The following PLS1 variants were observed in gnomAD, a reference collection of about 807,000 sequenced individuals.
The protein encoded by PLS1 is plastin 1, also known as plastin-1.
PLS1 carries 32 observed loss-of-function variants against 73.7 expected under a neutral mutation model. The observed-to-expected ratio is 0.43, with a 90% CI of 0.33 to 0.58. The LOEUF (loss-of-function observed/expected upper bound fraction) is 0.58, where lower values mean the gene tolerates loss of function less well. Ranked by LOEUF, PLS1 falls within the 20% of genes least tolerant of loss-of-function variation. The pLI, the probability that PLS1 is intolerant of heterozygous loss-of-function variation, is 0.04. For missense variants in PLS1, 633 were observed against 740.5 expected (o/e 0.85, Z 1.68); for synonymous variants, 217 against 261.3 (o/e 0.83, Z 1.63).
chr3:142,662,867 G>T (rs2037400907), intron 1 of PLS1, among the ~76,000 whole-genome samples: 2 of 152,160 alleles, frequency 1.3e-5, no homozygotes, highest in South Asian at 2.1e-4. Flanking sequence ...AATATTGTAT[G>T]GTCACATTGT....
chr3:142,616,755 G>A (rs753932579), intron 1 of PLS1, among the ~76,000 whole-genome samples: 1 of 152,098 alleles, frequency 6.6e-6, no homozygotes, highest in African/African-American at 2.4e-5. Context: ...GGCACCCGCC[G>A]TCATGCCTGG....
At chr3:142,680,210 T>G (rs990549773) in intron 6 of PLS1, among the ~76,000 whole-genome samples, 5 of 152,212 alleles carry the variant, frequency 3.3e-5, no homozygotes, top group Non-Finnish European at 7.3e-5. Context: ...GCTATAAGCA[T>G]GTACCACTAT....
intron 10 of PLS1, among the ~76,000 whole-genome samples, chr3:142,693,848 T>C (rs1344700033): frequency 6.6e-6 from 1 of 152,116 alleles, no homozygotes; most frequent in Admixed American, 6.6e-5. Flanking sequence ...TCAACCTGTA[T>C]TGGGTCTGTG....
intron 4 of PLS1, among the ~76,000 whole-genome samples, chr3:142,675,444 G>A (rs574210474): frequency 3.8e-4 from 58 of 151,748 alleles, no homozygotes; most frequent in Non-Finnish European, 7.2e-4. Context: ...GTGCAGTGGC[G>A]CGATCTCGGT....
intron 1 of PLS1, among the ~76,000 whole-genome samples, chr3:142,604,860 G>A (rs577677144): frequency 5.4e-4 from 82 of 151,992 alleles, no homozygotes; most frequent in African/African-American, 1.1e-3. Flanking sequence ...GCGTGAACCC[G>A]GGAGGCAGAG....
At chr3:142,693,739 A>G (rs2038134730) in intron 10 of PLS1, among the ~76,000 whole-genome samples, 1 of 152,164 alleles carries the variant, frequency 6.6e-6, no homozygotes, top group Admixed American at 6.6e-5. Context: ...GGGAATGCTC[A>G]GGGAGGTATG....
intron 6 of PLS1, among the ~76,000 whole-genome samples, chr3:142,683,601 T>A (rs1443874060): frequency 2.6e-5 from 4 of 152,240 alleles, no homozygotes; most frequent in Non-Finnish European, 2.9e-5. Context: ...AGTTTCCTCA[T>A]CTGTAAAATC....
At chr3:142,653,618 C>T (rs969569893) in intron 1 of PLS1, among the ~76,000 whole-genome samples, 2 of 152,176 alleles carry the variant, frequency 1.3e-5, no homozygotes, top group Non-Finnish European at 2.9e-5. Flanking sequence ...CCCACCTTGA[C>T]ATCCCAAAGT....
intron 6 of PLS1, among the ~76,000 whole-genome samples, chr3:142,683,396 C>T (rs970683782): frequency 5.9e-5 from 9 of 152,264 alleles, no homozygotes; most frequent in Admixed American, 5.2e-4. Context: ...CTCAGCTACT[C>T]AGGAGGCTGA....
chr3:142,689,624 A>C lies in PLS1; in HGVS notation c.988A>C (p.Asn330His), dbSNP rs2038046257. 6.5e-7 allele frequency: 1 copy of C among 1,550,226 alleles called. No individual in the cohort carries two copies. The highest frequency in any genetic ancestry group is 2.1e-5 in the Admixed American group (1 of 47,048). ...AIDLSGINET[N>H]DLKRAGLMLQ... ...TTTTTGTTTTATTGTTTAGGAGACA[A>C]ATGACCTGAAGCGTGCTGGACTCAT... The change falls in exon 10 of 16, where the codon AAT becomes CAT. Residue 330 changes from asparagine (N) to histidine (H), a missense_variant. Coordinates refer to ENST00000457734, the MANE Select transcript of PLS1 (RefSeq NM_001145319.2).
chr3:142,625,209 T>C (rs141016021), intron 1 of PLS1, among the ~76,000 whole-genome samples: 79 of 152,044 alleles, frequency 5.2e-4, no homozygotes, highest in African/African-American at 1.8e-3. Context: ...AACAAACCTC[T>C]TAAACTCCCG....
chr3:142,677,887 A>C (rs1263568305), intron 5 of PLS1, 145 bp from the exon 6 acceptor site: 1 of 428,320 alleles, frequency 2.3e-6, no homozygotes, highest in East Asian at 4.3e-5. Context: ...GATTATATGC[A>C]TGTGCCACCA....
Position 142,698,437 on chromosome 3 carries a change from T to TAA in PLS1, c.1371+384_1371+385dup, listed in dbSNP as rs57727251. On this transcript the variant is annotated intron_variant, in intron 12 of 15. Transcript: ENST00000457734. ...TACCTATACAGTGTTATGCAGGATG[T>TAA]AAAAAAAAAAAAAAAGTATAAAGCA... is the stretch of plus-strand genomic sequence containing the variant. 409 of 140,752 alleles carry TAA rather than the reference T, an allele frequency of 2.9e-3. 6 individuals carry two copies. The highest frequency in any genetic ancestry group is 8.7e-3 in the African/African-American group (341 of 39,258). 8.7% of individuals were successfully genotyped at this position (140,752 alleles called of 1,614,324 possible). A position where few individuals can be genotyped will look rare whatever the true frequency, so the allele number is the denominator to read the frequency against.
chr3:142,704,033 C>T (rs1043592487), intron 13 of PLS1, 32 bp downstream of exon 13: 13 of 1,593,786 alleles, frequency 8.2e-6, no homozygotes, highest in Non-Finnish European at 1.1e-5. Context: ...GCAACACTGC[C>T]TGTTTCCTCC....
intron 4 of PLS1, among the ~76,000 whole-genome samples, chr3:142,671,834 G>C (rs1296735966): frequency 6.6e-6 from 1 of 152,084 alleles, no homozygotes; most frequent in African/African-American, 2.4e-5. Context: ...CTTCATTTCA[G>C]ATCTGAATCT....
At chr3:142,603,742 C>T (rs112012548) in intron 1 of PLS1, among the ~76,000 whole-genome samples, 67 of 149,984 alleles carry the variant, frequency 4.5e-4, no homozygotes, top group African/African-American at 1.5e-3. Flanking sequence ...TGCACTTTAG[C>T]CTGGGTGACA....
chr3:142,699,289 C>T (rs950636268), intron 12 of PLS1, among the ~76,000 whole-genome samples: 1 of 152,092 alleles, frequency 6.6e-6, no homozygotes, highest in Non-Finnish European at 1.5e-5. Context: ...GAAAGCCCAT[C>T]TCTACTAAAA....
At chr3:142,691,261 G>A (rs1433905500) in intron 10 of PLS1, among the ~76,000 whole-genome samples, 3 of 151,874 alleles carry the variant, frequency 2.0e-5, no homozygotes, top group Non-Finnish European at 2.9e-5. Context: ...ATAAAATAAA[G>A]ATTATATTTT....
At chr3:142,688,140 G>A (rs186186815) in intron 9 of PLS1, among the ~76,000 whole-genome samples, 24 of 151,990 alleles carry the variant, frequency 1.6e-4, no homozygotes, top group African/African-American at 5.5e-4. Flanking sequence ...TAGAGACGGG[G>A]TTTCACCATG....
Sources: allele counts gnomAD v4.1 joint callset (sites outside exome capture counted in the v4.1 genomes callset), GRCh38; gene constraint gnomAD v4.1.1; transcripts MANE v1.5; gene names NCBI Gene and HGNC (gene_info 2026-07-23, HGNC 2026-07-21).